TBC1D1: variants seen among roughly 807,000 people sequenced by gnomAD.
The protein encoded by TBC1D1 is TBC1 domain family member 1, also known as TBC1 (tre-2/USP6, BUB2, cdc16) domain family, member 1.
TBC1D1 carries 89 observed loss-of-function variants against 125.6 expected under a neutral mutation model. The observed-to-expected ratio is 0.71, with a 90% CI of 0.60 to 0.85. TBC1D1 has a LOEUF of 0.85. Ranked by LOEUF, TBC1D1 falls within the 40% of genes least tolerant of loss-of-function variation. The probability of loss-of-function intolerance (pLI) is 0.00; values close to 1 mark genes in which losing one functional copy is unlikely to be tolerated. For synonymous variants in TBC1D1, 565 were observed against 564.1 expected (o/e 1.00, Z -0.02); for missense variants, 1,377 against 1,469.2 (o/e 0.94, Z 1.03).
At chr4:38,079,985 C>T (rs996633953) in intron 12 of TBC1D1, among the ~76,000 whole-genome samples, 5 of 152,200 alleles carry the variant, frequency 3.3e-5, no homozygotes, top group Non-Finnish European at 5.9e-5. Context: ...TTGTTCAAAT[C>T]CAGGTTGCTG....
intron 12 of TBC1D1, among the ~76,000 whole-genome samples, chr4:38,069,074 A>G (rs1754246493): frequency 6.6e-6 from 1 of 152,240 alleles, no homozygotes; most frequent in Non-Finnish European, 1.5e-5. Context: ...TCCTAAAAGC[A>G]AGTGGGGACT....
chr4:38,079,473 C>T (rs1756163699), intron 12 of TBC1D1, among the ~76,000 whole-genome samples: 1 of 152,028 alleles, frequency 6.6e-6, no homozygotes, highest in Non-Finnish European at 1.5e-5. Context: ...GCCTGTATCC[C>T]AGCACGTTGG....
intron 2 of TBC1D1, among the ~76,000 whole-genome samples, chr4:38,004,045 C>T (rs1341307123): frequency 7.9e-5 from 12 of 152,254 alleles, no homozygotes; most frequent in South Asian, 6.2e-4. Flanking sequence ...GAAGAGGAGT[C>T]GAGGTTCCTA....
chr4:38,059,005 A>G (rs1752269012), intron 12 of TBC1D1, among the ~76,000 whole-genome samples: 1 of 152,232 alleles, frequency 6.6e-6, no homozygotes, highest in Non-Finnish European at 1.5e-5. Context: ...AAATTGTCTC[A>G]AACAAAATTA....
intron 2 of TBC1D1, among the ~76,000 whole-genome samples, chr4:37,918,673 C>T (rs1250945254): frequency 6.6e-6 from 1 of 152,176 alleles, no homozygotes; most frequent in Non-Finnish European, 1.5e-5. Context: ...GTCTCAAACT[C>T]CCGACCTCAG....
At chr4:38,026,682 T>C (rs1745153391) in intron 6 of TBC1D1, among the ~76,000 whole-genome samples, 1 of 152,132 alleles carries the variant, frequency 6.6e-6, no homozygotes, top group Non-Finnish European at 1.5e-5. Context: ...ATCCTTTCAT[T>C]ATCAACCGTC....
intron 12 of TBC1D1, among the ~76,000 whole-genome samples, chr4:38,071,413 C>T (rs1178534884): frequency 6.6e-6 from 1 of 152,124 alleles, no homozygotes; most frequent in Non-Finnish European, 1.5e-5. Flanking sequence ...TTTAAAAGCC[C>T]ATCATTTTTA....
chr4:38,096,171 A>C lies in TBC1D1; in HGVS notation c.2398+81A>C. The C allele has an allele frequency of 1.1e-5, 14 of 1,262,620 alleles. No homozygotes were observed. In the South Asian group the frequency reaches 2.1e-4, roughly 19 times the overall value. 78.2% of individuals were successfully genotyped at this position (1,262,620 alleles called of 1,614,324 possible). A position where few individuals can be genotyped will look rare whatever the true frequency, so the allele number is the denominator to read the frequency against. On this transcript the variant is annotated intron_variant, in intron 14 of 19. Coordinates refer to ENST00000261439, the MANE Select transcript of TBC1D1 (RefSeq NM_015173.4). Reference sequence around the variant, plus strand: ...GAAGTGTGGAATTAAAAAAAAGTCAAGTCTAATTTTAGTGGCCATCTCCCT... The same window carrying C: ...GAAGTGTGGAATTAAAAAAAAGTCACGTCTAATTTTAGTGGCCATCTCCCT...
intron 2 of TBC1D1, among the ~76,000 whole-genome samples, chr4:37,938,597 A>G (rs554738233): frequency 6.6e-6 from 1 of 152,232 alleles, no homozygotes; most frequent in African/African-American, 2.4e-5. Context: ...TTTGTTACAT[A>G]TGTATACATG....
chr4:37,953,633 T>C (rs1468580856), intron 2 of TBC1D1, among the ~76,000 whole-genome samples: 1 of 152,116 alleles, frequency 6.6e-6, no homozygotes, highest in Non-Finnish European at 1.5e-5. Flanking sequence ...ATGCAAATGG[T>C]TGATGAGTAG....
At chr4:38,001,144 T>C (rs7675683) in intron 2 of TBC1D1, among the ~76,000 whole-genome samples, 88,754 of 151,776 alleles carry the variant, frequency 0.58, 26,922 homozygotes, top group East Asian at 0.89. Flanking sequence ...GGCGTGAACC[T>C]GGGAGTCAGA....
chr4:37,957,279 G>T (rs1237328310), intron 2 of TBC1D1, among the ~76,000 whole-genome samples: 1 of 152,206 alleles, frequency 6.6e-6, no homozygotes, highest in African/African-American at 2.4e-5. Context: ...AATCATTAAA[G>T]TAATAAATAA....
In TBC1D1 at chr4:37,988,691, T is replaced by G. The variant is rs547869344; in HGVS notation, c.418-25818T>G. ...GTCTTTCCCAAAGCCACAGCTAAGA[T>G]CCAAACAGAGCTCTTTGCATCACCT... On this transcript the variant is annotated intron_variant, in intron 2 of 19. Coordinates refer to ENST00000261439, the MANE Select transcript of TBC1D1 (RefSeq NM_015173.4). 1.1e-3 allele frequency among the ~76,000 whole-genome samples: 161 copies of G among 152,202 alleles called. 1 individual carries two copies. The highest frequency in any genetic ancestry group is 3.8e-3 in the African/African-American group (158 of 41,528).
rs1359052238 is a variant in TBC1D1 at position 38,014,292 on chromosome 4, T to G, written c.418-217T>G. Among the ~76,000 whole-genome samples the G allele has an allele frequency of 6.6e-6, 1 of 152,172 alleles. No homozygotes were observed. The highest frequency in any genetic ancestry group is 2.4e-5 in the African/African-American group (1 of 41,452). ...TGGCAGGTAAGAGGTGCTTCATAAGTGTCGTCCCCCTTCTCTTTTCTGTGG... is the reference window on the plus strand; with the variant it reads ...TGGCAGGTAAGAGGTGCTTCATAAGGGTCGTCCCCCTTCTCTTTTCTGTGG... On this transcript the variant is annotated intron_variant, in intron 2 of 19. Coordinates refer to ENST00000261439, the MANE Select transcript of TBC1D1 (RefSeq NM_015173.4). This position sits in a 1 kb window ranked among gnomAD's most constrained non-coding sequence, Gnocchi z 5.1.
At position 38,096,108 on chromosome 4, in the gene TBC1D1, G is replaced by A; in HGVS notation, c.2398+18G>A. ...TGGGCAAGGTAAGCTTCATTGGGAA[G>A]CATCTAGTCAACCTCACCCCTCATT... On this transcript the variant is annotated intron_variant, in intron 14 of 19. Coordinates refer to ENST00000261439, the MANE Select transcript of TBC1D1 (RefSeq NM_015173.4). 2 of 1,606,148 alleles carry A rather than the reference G, an allele frequency of 1.2e-6. No individual in the cohort carries two copies. Among genetic ancestry groups the A allele is most frequent in the African/African-American group, 1.3e-5 (1 of 74,660 alleles).
chr4:37,991,995 A>T (rs1736669956), intron 2 of TBC1D1, among the ~76,000 whole-genome samples: 1 of 152,246 alleles, frequency 6.6e-6, no homozygotes, highest in African/African-American at 2.4e-5. Context: ...TTTGGTACAA[A>T]CGGAACTTAC....
intron 8 of TBC1D1, among the ~76,000 whole-genome samples, chr4:38,036,019 C>T (rs992791437): frequency 6.6e-6 from 1 of 152,094 alleles, no homozygotes; most frequent in African/African-American, 2.4e-5. Flanking sequence ...TGTCACCTCG[C>T]CTTTCTTCTT....
At chr4:38,023,243 CAA>C (rs71658750) in intron 6 of TBC1D1, among the ~76,000 whole-genome samples, 12 of 76,508 alleles carry the variant, frequency 1.6e-4, no homozygotes, top group Admixed American at 3.0e-4. Context: ...CGAGATGTCT[CAA>C]AAAAAAAAAA....
intron 18 of TBC1D1, among the ~76,000 whole-genome samples, chr4:38,126,715 C>T (rs909260294): frequency 2.0e-5 from 3 of 152,038 alleles, no homozygotes; most frequent in African/African-American, 7.2e-5. Context: ...GGGTGGGCAT[C>T]GAAATATACG....
Sources: allele counts gnomAD v4.1 joint callset (sites outside exome capture counted in the v4.1 genomes callset), GRCh38; gene constraint gnomAD v4.1.1; non-coding constraint Gnocchi (gnomAD v3.1); transcripts MANE v1.5; gene names NCBI Gene and HGNC (gene_info 2026-07-23, HGNC 2026-07-21).